The following TMEM196 variants were observed in gnomAD, a reference collection of about 807,000 sequenced individuals.
TMEM196 encodes transmembrane protein 196.
Under a neutral mutation model 20.0 loss-of-function variants are expected in TMEM196, and 17 were observed. The observed-to-expected ratio is 0.85, with a 90% CI of 0.58 to 1.27. TMEM196 has a LOEUF of 1.27. Ranked by LOEUF, TMEM196 falls within the 50% of genes most tolerant of loss-of-function variation. The pLI is 0.00. For missense variants in TMEM196, 267 were observed against 223.0 expected, an observed-to-expected ratio of 1.20 and a Z score of -1.26; for synonymous variants, 113 against 88.9, an observed-to-expected ratio of 1.27 and a Z score of -1.52.
At chr7:19,723,989 C>G (rs1783899738) in intron 4 of TMEM196, among the ~76,000 whole-genome samples, 1 of 151,676 alleles carries the variant, frequency 6.6e-6, no homozygotes, top group African/African-American at 2.4e-5. Context: ...GAGTCAGAAC[C>G]ATGAAGTAGC....
chr7:19,730,262 G>GAAAAAAAAAAAAA (rs202189627), intron 1 of TMEM196, among the ~76,000 whole-genome samples: 2 of 119,756 alleles, frequency 1.7e-5, no homozygotes, highest in Admixed American at 8.2e-5. Context: ...TCTCAAAAAA[G>GAAAAAAAAAAAAA]AAAAAAAAAA....
chr7:19,734,310 GC>G (rs1343132376), intron 1 of TMEM196, among the ~76,000 whole-genome samples: 2 of 152,184 alleles, frequency 1.3e-5, no homozygotes, highest in Admixed American at 1.3e-4. Context: ...TCTTACTTAA[GC>G]AAGAGATTAT....
Position 19,761,551 on chromosome 7 carries a change from C to T in TMEM196, c.147+10999G>A, listed in dbSNP as rs1232768879. On this transcript the variant is annotated intron_variant, in intron 1 of 4. Coordinates refer to ENST00000405844, the MANE Select transcript of TMEM196 (RefSeq NM_001363562.2). ...ATGTGATAAGGTGTTCCTCCATTAACGGCAGCCATCTTGGTGGCTTAGCAG... is the reference window on the plus strand; with the variant it reads ...ATGTGATAAGGTGTTCCTCCATTAATGGCAGCCATCTTGGTGGCTTAGCAG... Among the ~76,000 whole-genome samples, 5 of 152,158 alleles carry T rather than the reference C, an allele frequency of 3.3e-5. No homozygotes were observed. The East Asian group carries it at 5.8e-4, about 18-fold the overall frequency.
intron 1 of TMEM196, among the ~76,000 whole-genome samples, chr7:19,750,433 T>G (rs1344040918): frequency 6.6e-6 from 1 of 152,206 alleles, no homozygotes; most frequent in Non-Finnish European, 1.5e-5. Context: ...GAGGATTTTT[T>G]TTTTAGCAAA....
At chr7:19,730,069 A>G (rs1171996840) in intron 1 of TMEM196, among the ~76,000 whole-genome samples, 4 of 152,140 alleles carry the variant, frequency 2.6e-5, no homozygotes, top group African/African-American at 9.7e-5. Flanking sequence ...ATCCTGGCTA[A>G]CACGGTGAAA....
rs1051448874 is a variant in TMEM196 at position 19,738,882 on chromosome 7, C to T, written c.148-9444G>A. Among the ~76,000 whole-genome samples the T allele has an allele frequency of 3.3e-5, 5 of 152,072 alleles. No individual in the cohort carries two copies. In the East Asian group the frequency reaches 9.6e-4, roughly 29 times the overall value. On this transcript the variant is annotated intron_variant, in intron 1 of 4. Transcript: ENST00000405844. ...CTCAAAGAAGTGGAGCATAACTTCC[C>T]ACTATCTAAGTGTGAGCCACACGTA...
At chr7:19,733,987 G>A (rs1225718954) in intron 1 of TMEM196, among the ~76,000 whole-genome samples, 1 of 152,080 alleles carries the variant, frequency 6.6e-6, no homozygotes, top group Non-Finnish European at 1.5e-5. Flanking sequence ...ACCAATGAGG[G>A]GGAGACAACA....
chr7:19,729,850 G>A (rs1399217256), intron 1 of TMEM196, among the ~76,000 whole-genome samples: 3 of 152,136 alleles, frequency 2.0e-5, no homozygotes, highest in Non-Finnish European at 4.4e-5. Context: ...AAAAGATAAT[G>A]CATCAGACAA....
At chr7:19,739,743 G>C (rs1357170115) in intron 1 of TMEM196, among the ~76,000 whole-genome samples, 2 of 152,088 alleles carry the variant, frequency 1.3e-5, no homozygotes, top group African/African-American at 4.8e-5. Flanking sequence ...ACATAAATAT[G>C]CTCAACCTCA....
intron 3 of TMEM196, among the ~76,000 whole-genome samples, chr7:19,724,645 C>T (rs940849009): frequency 6.6e-6 from 1 of 152,106 alleles, no homozygotes; most frequent in African/African-American, 2.4e-5. Flanking sequence ...GGAAACGCTA[C>T]AGAATAAATA....
intron 1 of TMEM196, among the ~76,000 whole-genome samples, chr7:19,755,882 A>C (rs1785189708): frequency 6.6e-6 from 1 of 152,164 alleles, no homozygotes; most frequent in South Asian, 2.1e-4. Context: ...TATAAAAATT[A>C]ACCAGGCATG....
intron 1 of TMEM196, among the ~76,000 whole-genome samples, chr7:19,761,367 T>C (rs1038849658): frequency 1.3e-5 from 2 of 152,240 alleles, no homozygotes; most frequent in African/African-American, 4.8e-5. Context: ...AAGAATATAG[T>C]TCCATACACC....
At chr7:19,764,719 A>C (rs1317946261) in intron 1 of TMEM196, among the ~76,000 whole-genome samples, 1 of 152,184 alleles carries the variant, frequency 6.6e-6, no homozygotes, top group Non-Finnish European at 1.5e-5. Context: ...ACTAAGGCTT[A>C]AGCTTTAATG....
At chr7:19,722,325 A>C (rs1325358826) in intron 4 of TMEM196, among the ~76,000 whole-genome samples, 191 bp from the exon 5 acceptor site, 2 of 152,150 alleles carry the variant, frequency 1.3e-5, no homozygotes, top group Non-Finnish European at 2.9e-5. Flanking sequence ...CAAATGCCAA[A>C]GTAAGAGTCA....
Position 19,721,987 on chromosome 7 carries a change from A to C in TMEM196, c.*141T>G. 10 of 1,125,036 alleles carry C rather than the reference A, an allele frequency of 8.9e-6. No individual in the cohort carries two copies. The highest frequency in any genetic ancestry group is 1.2e-5 in the Non-Finnish European group (9 of 762,894). The allele number at this position is 1,125,036 out of a possible 1,614,324, so 69.7% of individuals were successfully genotyped here. ...TGGATGCTCAGGAGAGATAAATGCA[A>C]ATGCAAAAACTGTTTTATTTTCTAG... is the stretch of plus-strand genomic sequence containing the variant. On this transcript the variant is annotated 3_prime_UTR_variant, in exon 5 of 5. Transcript: ENST00000405844.
At chr7:19,734,700 C>T (rs1208989867) in intron 1 of TMEM196, among the ~76,000 whole-genome samples, 1 of 152,074 alleles carries the variant, frequency 6.6e-6, no homozygotes, top group African/African-American at 2.4e-5. Flanking sequence ...TTTGATTCTC[C>T]CTGGAGCCTC....
In TMEM196 at chr7:19,736,198, C is replaced by T. The variant is rs941218035; in HGVS notation, c.148-6760G>A. Among the ~76,000 whole-genome samples the T allele has an allele frequency of 3.3e-5, 5 of 151,620 alleles. No individual in the cohort carries two copies. In the East Asian group the frequency reaches 7.7e-4, roughly 23 times the overall value. On this transcript the variant is annotated intron_variant, in intron 1 of 4. Transcript: ENST00000405844. ...TTAGAAAGGTTATTTCGTGGTTCAA[C>T]ACACAAAATGCACATAAAAAGCATT...
At chr7:19,748,258 C>T (rs1378994241) in intron 1 of TMEM196, among the ~76,000 whole-genome samples, 1 of 82,512 alleles carries the variant, frequency 1.2e-5, no homozygotes, top group African/African-American at 6.0e-5. Flanking sequence ...TTCACTGTGG[C>T]TGTCCAAAAA....
chr7:19,750,672 T>C (rs1784925629), intron 1 of TMEM196, among the ~76,000 whole-genome samples: 1 of 152,158 alleles, frequency 6.6e-6, no homozygotes, highest in Non-Finnish European at 1.5e-5. Context: ...TAGCAGTCTA[T>C]AAACAAGTAC....
Sources: allele counts gnomAD v4.1 joint callset (sites outside exome capture counted in the v4.1 genomes callset), GRCh38; gene constraint gnomAD v4.1.1; transcripts MANE v1.5; gene names NCBI Gene and HGNC (gene_info 2026-07-23, HGNC 2026-07-21).